Variants in CPS1 observed in about 807,000 individuals in gnomAD.
CPS1 encodes the protein carbamoyl-phosphate synthase 1, also known as carbamoyl-phosphate synthase [ammonia], mitochondrial.
A neutral mutation model predicts 174.6 loss-of-function variants in CPS1; 109 were observed. The ratio of observed to expected loss-of-function variants is 0.62; its 90% CI spans 0.53 to 0.73. CPS1 has a LOEUF of 0.73. CPS1 is among the 30% of genes least tolerant of loss of function. CPS1 has a pLI of 0.00. For missense variants in CPS1, 1,689 were observed against 1,821.9 expected, an observed-to-expected ratio of 0.93 and a Z score of 1.33; for synonymous variants, 637 against 632.0, an observed-to-expected ratio of 1.01 and a Z score of -0.12.
At chr2:210,518,532 T>A (rs1695739267) in intron 1 of CPS1, among the ~76,000 whole-genome samples, 1 of 151,988 alleles carries the variant, frequency 6.6e-6, no homozygotes, top group Non-Finnish European at 1.5e-5. Context: ...TTCTTCTTTC[T>A]TTTTTCTATA....
chr2:210,487,984 T>A (rs1694772401), intron 1 of CPS1, among the ~76,000 whole-genome samples: 1 of 152,136 alleles, frequency 6.6e-6, no homozygotes, highest in Non-Finnish European at 1.5e-5. Flanking sequence ...GTGTCCTAGT[T>A]CTTTTAAAAA....
intron 16 of CPS1, among the ~76,000 whole-genome samples, chr2:210,604,561 T>G (rs1698840657): frequency 6.6e-6 from 1 of 151,926 alleles, no homozygotes; most frequent in African/African-American, 2.4e-5. Context: ...ATAATAATAG[T>G]CCCATATGAT....
At chr2:210,548,711 A>C (rs1026829261) in intron 1 of CPS1, among the ~76,000 whole-genome samples, 4 of 151,812 alleles carry the variant, frequency 2.6e-5, no homozygotes, top group African/African-American at 9.7e-5. Flanking sequence ...CCAGATCACT[A>C]ATCTTCTCCA....
At chr2:210,515,793 T>G (rs1031127046) in intron 1 of CPS1, among the ~76,000 whole-genome samples, 2 of 151,840 alleles carry the variant, frequency 1.3e-5, no homozygotes, top group Admixed American at 6.6e-5. Context: ...TGATGTTAGA[T>G]CGTTAATTTG....
intron 1 of CPS1, among the ~76,000 whole-genome samples, chr2:210,560,523 T>G (rs1697064626): frequency 6.6e-6 from 1 of 152,160 alleles, no homozygotes; most frequent in Non-Finnish European, 1.5e-5. Flanking sequence ...TTAACAATGG[T>G]GACCTGTGTT....
chr2:210,612,776 A>T (rs1157837922), intron 20 of CPS1, among the ~76,000 whole-genome samples: 4 of 151,962 alleles, frequency 2.6e-5, no homozygotes, highest in Admixed American at 6.6e-5. Flanking sequence ...ACAGCAACAG[A>T]CTATAAAGGC....
chr2:210,507,782 G>A lies in CPS1; in HGVS notation c.3+30016G>A, dbSNP rs182056638. The stretch of plus-strand genomic sequence containing the variant: ...AACAAAGATCAAAAGTGACAAAGAA[G>A]GCCATTACATGATGGTAAAGGGATC... On this transcript the variant is annotated intron_variant, in intron 1 of 38. Coordinates refer to the CPS1 transcript ENST00000430249. 6.5e-3 allele frequency among the ~76,000 whole-genome samples: 994 copies of A among 152,242 alleles called. 10 individuals are homozygous for A. The highest frequency in any genetic ancestry group is 9.9e-3 in the Non-Finnish European group (676 of 68,022).
chr2:210,664,014 C>T (rs1701008529), intron 33 of CPS1, among the ~76,000 whole-genome samples: 1 of 152,040 alleles, frequency 6.6e-6, no homozygotes, highest in Non-Finnish European at 1.5e-5. Context: ...TATATGGTTG[C>T]CTGGTTACAA....
At chr2:210,594,244 A>C (rs1469018709) in intron 11 of CPS1, among the ~76,000 whole-genome samples, 2 of 151,962 alleles carry the variant, frequency 1.3e-5, no homozygotes, top group Admixed American at 6.6e-5. Context: ...AAAACTTGGC[A>C]TTCTCAGAAG....
intron 14 of CPS1, 113 bp from the exon 15 acceptor site, chr2:210,600,442 C>G: frequency 9.9e-7 from 1 of 1,010,364 alleles, no homozygotes; most frequent in Non-Finnish European, 1.5e-6. Context: ...CTATTGTAGA[C>G]AGTGGTAACT....
At chr2:210,674,860 C>G in intron 34 of CPS1, 42 bp from the exon 35 acceptor site, 1 of 1,452,998 alleles carries the variant, frequency 6.9e-7, no homozygotes. Flanking sequence ...AAATGAAGAG[C>G]ATGTATATCT....
At chr2:210,560,700 AT>A (rs1697069818) in intron 1 of CPS1, among the ~76,000 whole-genome samples, 2 of 152,150 alleles carry the variant, frequency 1.3e-5, no homozygotes, top group Non-Finnish European at 2.9e-5. Flanking sequence ...AGCTATTGTC[AT>A]TTGATTAGAA....
intron 1 of CPS1, among the ~76,000 whole-genome samples, chr2:210,512,758 A>C (rs1416981016): frequency 1.4e-5 from 1 of 71,652 alleles, no homozygotes; most frequent in African/African-American, 8.8e-5. Flanking sequence ...ATATATATAT[A>C]TATATATATA....
intron 1 of CPS1, among the ~76,000 whole-genome samples, chr2:210,485,224 T>C (rs1694682519): frequency 7.2e-6 from 1 of 138,748 alleles, no homozygotes. Flanking sequence ...AGAGCAAGAC[T>C]ACATCTCAAA....
chr2:210,550,446 G>A (rs1437014063), intron 1 of CPS1, among the ~76,000 whole-genome samples: 2 of 151,978 alleles, frequency 1.3e-5, no homozygotes, highest in Non-Finnish European at 2.9e-5. Context: ...CTTACTAGCT[G>A]TGTGACCTTG....
chr2:210,576,877 C>T (rs1160429822), intron 3 of CPS1, among the ~76,000 whole-genome samples: 1 of 151,976 alleles, frequency 6.6e-6, no homozygotes, highest in Non-Finnish European at 1.5e-5. Context: ...AGCTTTTATG[C>T]CAGTCTAAAA....
At chr2:210,594,914 A>G (rs1392171225) in intron 12 of CPS1, among the ~76,000 whole-genome samples, 1 of 151,952 alleles carries the variant, frequency 6.6e-6, no homozygotes, top group Admixed American at 6.6e-5. Flanking sequence ...CCATAGCTCT[A>G]TGTAAACATG....
At chr2:210,629,355 C>T (rs1699790985) in intron 21 of CPS1, among the ~76,000 whole-genome samples, 1 of 152,012 alleles carries the variant, frequency 6.6e-6, no homozygotes, top group Non-Finnish European at 1.5e-5. Context: ...CGCTCTGTCG[C>T]CCAGGCTGGA....
intron 1 of CPS1, among the ~76,000 whole-genome samples, chr2:210,534,019 CTTAG>C (rs1346787664): frequency 6.6e-6 from 1 of 152,134 alleles, no homozygotes. Flanking sequence ...TTAAGCTGCC[CTTAG>C]TTGGTTGCTC....
Sources: gnomAD v4.1 joint callset for allele counts (sites outside exome capture counted in the v4.1 genomes callset) on GRCh38, gnomAD v4.1.1 for gene constraint, MANE v1.5 for transcripts, NCBI Gene and HGNC (gene_info 2026-07-23, HGNC 2026-07-21) for gene names.